The following PCDHA9 variants were observed in gnomAD, a reference collection of about 807,000 sequenced individuals.
The protein encoded by PCDHA9 is protocadherin alpha 9.
In PCDHA9, 62 loss-of-function variants were observed where a neutral mutation model predicts 62.0. That is an observed-to-expected ratio of 1.00 (90% CI 0.81 to 1.23). The LOEUF (loss-of-function observed/expected upper bound fraction) is 1.23, where lower values mean the gene tolerates loss of function less well. PCDHA9 is among the 50% of genes most tolerant of loss of function. The pLI, the probability that PCDHA9 is intolerant of heterozygous loss-of-function variation, is 0.00. For synonymous variants in PCDHA9, 557 were observed against 567.6 expected (o/e 0.98, Z 0.27); for missense variants, 1,205 against 1,249.8 (o/e 0.96, Z 0.54).
chr5:140,854,575 AT>A (rs1416298079), intron 1 of PCDHA9: 1 of 149,968 alleles, frequency 6.7e-6, no homozygotes, highest in Non-Finnish European at 1.5e-5. Context: ...TGTCATTCAG[AT>A]TTTAATAAAA....
chr5:140,951,084 T>C (rs190031878), intron 1 of PCDHA9, among the ~76,000 whole-genome samples: 2 of 152,168 alleles, frequency 1.3e-5, no homozygotes, highest in African/African-American at 4.8e-5. Context: ...ATATTTTCCT[T>C]TTTTTCTGAT....
At chr5:141,006,130 TAGAAAGCTTAAGC>T (rs2098257447) in intron 3 of PCDHA9, among the ~76,000 whole-genome samples, 1 of 150,362 alleles carries the variant, frequency 6.7e-6, no homozygotes. Context: ...CTCAAGGCAG[TAGAAAGCTTAAGC>T]AGAGGAGTGA....
chr5:140,947,975 A>C lies in PCDHA9; in HGVS notation c.2395-30974A>C, dbSNP rs572156919. ...TTTTACAATTAAGTATGTGCTACTC[A>C]TAGGTTTTTCCCAAATACTTTATTA... On this transcript the variant is annotated intron_variant, in intron 1 of 3. Transcript: ENST00000532602. Among the ~76,000 whole-genome samples the C allele has an allele frequency of 2.7e-5, 4 of 150,726 alleles. No individual in the cohort carries two copies. In the East Asian group the frequency reaches 7.8e-4, roughly 29 times the overall value.
At chr5:140,862,948 G>T (rs782222335) in intron 1 of PCDHA9, 1 of 543,712 alleles carries the variant, frequency 1.8e-6, no homozygotes, top group South Asian at 1.4e-5. Context: ...GTGAGCTGGT[G>T]CGGTATTCAG....
intron 1 of PCDHA9, among the ~76,000 whole-genome samples, chr5:140,962,850 G>T (rs2095713419): frequency 6.6e-6 from 1 of 152,104 alleles, no homozygotes; most frequent in African/African-American, 2.4e-5. Flanking sequence ...TATAACTTGT[G>T]CTCGGTTTGT....
chr5:140,858,401 G>T (rs2045390262), intron 1 of PCDHA9: 2 of 1,572,406 alleles, frequency 1.3e-6, no homozygotes, highest in Admixed American at 1.8e-5. Flanking sequence ...TGTGGACGGG[G>T]AAGATCAGTC....
intron 1 of PCDHA9, among the ~76,000 whole-genome samples, chr5:140,966,009 G>A (rs2153745631): frequency 6.6e-6 from 1 of 152,278 alleles, no homozygotes; most frequent in South Asian, 2.1e-4. Flanking sequence ...AGTGTCCAGG[G>A]AAGATGTGGG....
chr5:140,903,768 T>C (rs1211667697), intron 1 of PCDHA9, among the ~76,000 whole-genome samples: 1 of 152,212 alleles, frequency 6.6e-6, no homozygotes, highest in Non-Finnish European at 1.5e-5. Flanking sequence ...TGCTGAACTT[T>C]TCTATCCATA....
At chr5:140,883,792 G>C (rs1050179503) in intron 1 of PCDHA9, 7 of 1,612,560 alleles carry the variant, frequency 4.3e-6, no homozygotes, top group African/African-American at 1.3e-5. Flanking sequence ...CGAGCTACGT[G>C]TCGGTGCACG....
chr5:140,915,937 G>A (rs782632336), intron 1 of PCDHA9, among the ~76,000 whole-genome samples: 7 of 152,104 alleles, frequency 4.6e-5, no homozygotes, highest in African/African-American at 7.2e-5. Flanking sequence ...GTCAGGGATT[G>A]GAGTCAAAAT....
intron 1 of PCDHA9, among the ~76,000 whole-genome samples, chr5:140,941,281 C>G (rs12652617): frequency 1.4e-5 from 1 of 69,002 alleles, no homozygotes. Flanking sequence ...TTCCTTCCTT[C>G]CTTTCTCTTT....
At chr5:140,967,613 G>C in intron 1 of PCDHA9, 1 of 1,614,182 alleles carries the variant, frequency 6.2e-7, no homozygotes, top group Non-Finnish European at 8.5e-7. Flanking sequence ...GAATGCCTCA[G>C]ACCCGGATGA....
intron 1 of PCDHA9, chr5:140,852,034 GT>G: frequency 1.1e-6 from 1 of 935,708 alleles, no homozygotes; most frequent in Non-Finnish European, 1.3e-6. Flanking sequence ...CGCTTATTGA[GT>G]TTTTGTTATG....
At chr5:141,009,205 A>G (rs1325707221) in intron 3 of PCDHA9, among the ~76,000 whole-genome samples, 8 of 152,192 alleles carry the variant, frequency 5.3e-5, no homozygotes, top group Non-Finnish European at 1.2e-4. Flanking sequence ...CTATGATTCC[A>G]ACACTTTGGG....
At chr5:140,940,055 C>G (rs1179353318) in intron 1 of PCDHA9, among the ~76,000 whole-genome samples, 1 of 152,064 alleles carries the variant, frequency 6.6e-6, no homozygotes, top group Non-Finnish European at 1.5e-5. Context: ...GATTCTTAAC[C>G]AAATATAAAT....
At chr5:140,871,026 G>T in intron 1 of PCDHA9, 2 of 1,613,220 alleles carry the variant, frequency 1.2e-6, no homozygotes, top group Non-Finnish European at 1.7e-6. Context: ...AGGCAGACTC[G>T]CCGCGCCACC....
intron 1 of PCDHA9, among the ~76,000 whole-genome samples, chr5:140,913,241 T>C (rs1325092057): frequency 6.6e-6 from 1 of 152,226 alleles, no homozygotes; most frequent in African/African-American, 2.4e-5. Context: ...GGGAGACTTT[T>C]TGTTACAACT....
intron 3 of PCDHA9, 94 bp from the exon 4 acceptor site, chr5:141,009,533 G>C: frequency 1.3e-6 from 2 of 1,509,446 alleles, no homozygotes; most frequent in Non-Finnish European, 1.8e-6. Context: ...GGGAGGTTCA[G>C]CCTGCCTATG....
chr5:140,896,256 C>T (rs1335099704), intron 1 of PCDHA9, among the ~76,000 whole-genome samples: 3 of 152,192 alleles, frequency 2.0e-5, no homozygotes, highest in Non-Finnish European at 4.4e-5. Flanking sequence ...TGGTTATGTA[C>T]ACAGTTATGG....
Sources: allele counts gnomAD v4.1 joint callset (sites outside exome capture counted in the v4.1 genomes callset), GRCh38; gene constraint gnomAD v4.1.1; transcripts MANE v1.5; gene names NCBI Gene and HGNC (gene_info 2026-07-23, HGNC 2026-07-21).